Variants in FNDC3B observed in about 807,000 individuals in gnomAD.
FNDC3B encodes the protein fibronectin type III domain-containing protein 3B.
A neutral mutation model predicts 151.5 loss-of-function variants in FNDC3B; 12 were observed. That is an observed-to-expected ratio of 0.08 (90% confidence interval 0.05 to 0.13). The LOEUF is 0.13. Among genes scored for constraint, FNDC3B ranks in the 10% least tolerant of loss-of-function variants. The pLI, the probability that FNDC3B is intolerant of heterozygous loss-of-function variation, is 1.00. For missense variants in FNDC3B, 1,214 were observed against 1,505.3 expected, an observed-to-expected ratio of 0.81 and a Z score of 3.20; for synonymous variants, 528 against 549.0, an observed-to-expected ratio of 0.96 and a Z score of 0.54.
intron 1 of FNDC3B, among the ~76,000 whole-genome samples, chr3:172,075,323 G>C (rs1401237213): frequency 1.3e-5 from 2 of 152,114 alleles, no homozygotes; most frequent in Non-Finnish European, 2.9e-5. Flanking sequence ...CTGTGCTGGA[G>C]GCATGATATT....
chr3:172,185,911 G>T (rs1724152823), intron 3 of FNDC3B, among the ~76,000 whole-genome samples: 1 of 152,140 alleles, frequency 6.6e-6, no homozygotes, highest in East Asian at 1.9e-4. Flanking sequence ...GCTAGCTCTG[G>T]GAGCTGTCAC....
intron 25 of FNDC3B, among the ~76,000 whole-genome samples, chr3:172,382,981 G>GTAA (rs758533661): frequency 3.9e-5 from 6 of 152,174 alleles, no homozygotes; most frequent in Non-Finnish European, 8.8e-5. Context: ...GAAACTTAAA[G>GTAA]TAGGTTTTTT....
chr3:172,297,229 A>G (rs1301626603), intron 8 of FNDC3B, among the ~76,000 whole-genome samples: 1 of 152,238 alleles, frequency 6.6e-6, no homozygotes, highest in East Asian at 1.9e-4. Flanking sequence ...AGATATTTTA[A>G]AGATACAATG....
At chr3:172,226,545 G>A (rs1257956478) in intron 3 of FNDC3B, among the ~76,000 whole-genome samples, 1 of 152,046 alleles carries the variant, frequency 6.6e-6, no homozygotes, top group Non-Finnish European at 1.5e-5. Context: ...CAAATAAAAA[G>A]AAAGAAACTT....
chr3:172,382,059 A>G (rs970168817), intron 25 of FNDC3B, among the ~76,000 whole-genome samples: 1 of 152,158 alleles, frequency 6.6e-6, no homozygotes, highest in Non-Finnish European at 1.5e-5. Context: ...GTCTTCCACA[A>G]TGGTTGAACT....
chr3:172,264,515 C>T (rs1728819698), intron 6 of FNDC3B, among the ~76,000 whole-genome samples: 1 of 152,164 alleles, frequency 6.6e-6, no homozygotes, highest in South Asian at 2.1e-4. Context: ...TTGTTTCTTG[C>T]ATTTTTAGAT....
chr3:172,244,271 C>A (rs1387462281), intron 4 of FNDC3B, among the ~76,000 whole-genome samples: 1 of 152,190 alleles, frequency 6.6e-6, no homozygotes, highest in African/African-American at 2.4e-5. Context: ...ATGAATTTGT[C>A]TTTTCCTTAG....
chr3:172,157,286 A>AT (rs58990924), intron 3 of FNDC3B, among the ~76,000 whole-genome samples: 3,144 of 150,556 alleles, frequency 0.021, 108 homozygotes, highest in African/African-American at 0.071. Context: ...AGCTCCTGGT[A>AT]TTTTTTTTTT....
At chr3:172,090,204 T>A (rs1450592112) in intron 1 of FNDC3B, among the ~76,000 whole-genome samples, 4 of 152,212 alleles carry the variant, frequency 2.6e-5, no homozygotes, top group Non-Finnish European at 4.4e-5. Context: ...CTGTTGTTAC[T>A]GAGAAAACTT....
At chr3:172,088,627 T>C (rs1718666623) in intron 1 of FNDC3B, among the ~76,000 whole-genome samples, 1 of 152,232 alleles carries the variant, frequency 6.6e-6, no homozygotes, top group South Asian at 2.1e-4. Flanking sequence ...TTTTATAAGA[T>C]GTATATTTCA....
At chr3:172,320,863 T>C (rs987121509) in intron 11 of FNDC3B, among the ~76,000 whole-genome samples, 1 of 152,176 alleles carries the variant, frequency 6.6e-6, no homozygotes, top group African/African-American at 2.4e-5. Context: ...GAGGAAAGCT[T>C]TATGAGGATA....
intron 3 of FNDC3B, among the ~76,000 whole-genome samples, chr3:172,138,521 T>C (rs976783726): frequency 9.8e-5 from 15 of 152,328 alleles, no homozygotes; most frequent in African/African-American, 3.6e-4. Context: ...TTTAGAGAAA[T>C]ATGTTTAAAT....
intron 21 of FNDC3B, among the ~76,000 whole-genome samples, chr3:172,350,486 G>A (rs12485666): frequency 0.41 from 62,865 of 151,934 alleles, 15,375 homozygotes; most frequent in Non-Finnish European, 0.56. Context: ...CCAAAATCTC[G>A]AAATACATAC....
chr3:172,277,860 T>C (rs139844095), intron 6 of FNDC3B, among the ~76,000 whole-genome samples: 3 of 152,206 alleles, frequency 2.0e-5, no homozygotes, highest in African/African-American at 7.2e-5. Context: ...CTCATTGATA[T>C]TACCTGCCTA....
At position 172,382,976 on chromosome 3, in the gene FNDC3B, T is replaced by C. The variant is rs1735537030; in HGVS notation, c.3303+1883T>C. ...ACTCTTTTTTGGTTCCATATGAAAC[T>C]TAAAGTAGGTTTTTTCTGATTCTGT... On this transcript the variant is annotated intron_variant, in intron 25 of 25. Coordinates refer to ENST00000415807, the MANE Select transcript of FNDC3B (RefSeq NM_022763.4). Among the ~76,000 whole-genome samples the C allele has an allele frequency of 2.0e-5, 3 of 152,236 alleles. No individual in the cohort carries two copies. The South Asian group carries it at 6.2e-4, about 31-fold the overall frequency.
At chr3:172,370,412 A>G (rs1164973370) in intron 23 of FNDC3B, among the ~76,000 whole-genome samples, 1 of 152,250 alleles carries the variant, frequency 6.6e-6, no homozygotes, top group African/African-American at 2.4e-5. Context: ...AACTTTCACA[A>G]TGTTAAAGCC....
intron 7 of FNDC3B, among the ~76,000 whole-genome samples, chr3:172,289,323 G>A (rs756018508): frequency 1.3e-5 from 2 of 152,060 alleles, no homozygotes; most frequent in African/African-American, 4.8e-5. Flanking sequence ...AAGGACCCCC[G>A]TGATTTTACT....
intron 23 of FNDC3B, among the ~76,000 whole-genome samples, chr3:172,370,645 T>C (rs1350299628): frequency 6.6e-6 from 1 of 152,244 alleles, no homozygotes; most frequent in Non-Finnish European, 1.5e-5. Flanking sequence ...AATCTCTGCA[T>C]TCTGGCTAAG....
At chr3:172,135,465 C>G (rs1482816786) in intron 3 of FNDC3B, among the ~76,000 whole-genome samples, 1 of 152,146 alleles carries the variant, frequency 6.6e-6, no homozygotes, top group African/African-American at 2.4e-5. Flanking sequence ...ACTAACACTC[C>G]TAACAGTGAT....
Sources: gnomAD v4.1 joint callset for allele counts (sites outside exome capture counted in the v4.1 genomes callset) on GRCh38, gnomAD v4.1.1 for gene constraint, MANE v1.5 for transcripts, NCBI Gene and HGNC (gene_info 2026-07-23, HGNC 2026-07-21) for gene names.